Variants in AKT3 observed in about 807,000 individuals in gnomAD.
AKT3 encodes AKT serine/threonine kinase 3.
AKT3 carries 15 observed loss-of-function variants against 65.3 expected under a neutral mutation model. The ratio of observed to expected loss-of-function variants is 0.23; its 90% CI spans 0.15 to 0.35. The LOEUF (loss-of-function observed/expected upper bound fraction) is 0.35, where lower values mean the gene tolerates loss of function less well. AKT3 is among the 10% of genes least tolerant of loss of function. The pLI is 1.00. For synonymous variants in AKT3, 206 were observed against 183.8 expected, an observed-to-expected ratio of 1.12 and a Z score of -0.98; for missense variants, 243 against 576.5, an observed-to-expected ratio of 0.42 and a Z score of 5.92.
intron 2 of AKT3, among the ~76,000 whole-genome samples, chr1:243,823,503 C>T (rs749629250): frequency 1.6e-4 from 24 of 152,070 alleles, no homozygotes; most frequent in Non-Finnish European, 2.9e-4. Flanking sequence ...GATGACATGA[C>T]CCTATATCTG....
At chr1:243,699,489 ATATATATATATATATAT>A (rs1558733408) in intron 2 of AKT3, among the ~76,000 whole-genome samples, 1 of 113,124 alleles carries the variant, frequency 8.8e-6, no homozygotes, top group Non-Finnish European at 1.7e-5. Context: ...ATATATATAT[ATATATATATATATATAT>A]ATATATAATC....
At chr1:243,756,175 G>GT (rs1689125452) in intron 2 of AKT3, among the ~76,000 whole-genome samples, 1 of 152,182 alleles carries the variant, frequency 6.6e-6, no homozygotes, top group Non-Finnish European at 1.5e-5. Flanking sequence ...TGCAGAAATC[G>GT]TAAGAATAAG....
chr1:243,583,215 T>G (rs1357265568), intron 8 of AKT3, among the ~76,000 whole-genome samples: 1 of 120,146 alleles, frequency 8.3e-6, no homozygotes, highest in South Asian at 2.7e-4. Context: ...CACACACACA[T>G]ATATCTTCCA....
chr1:243,843,442 T>C (rs1039832050), intron 1 of AKT3, 160 bp from the exon 2 acceptor site: 56 of 1,084,094 alleles, frequency 5.2e-5, no homozygotes, highest in Non-Finnish European at 6.3e-5. Context: ...AGTTCTATAA[T>C]GAAAGCACTT....
chr1:243,619,950 C>T (rs149966437), intron 6 of AKT3, among the ~76,000 whole-genome samples: 11,587 of 97,870 alleles, frequency 0.12, 4,583 homozygotes, highest in Non-Finnish European at 0.21. Flanking sequence ...TAGGAGAGTT[C>T]CCTTTAGCAT....
At chr1:243,497,556 C>A (rs771944221), downstream of AKT3, among the ~76,000 whole-genome samples, 1 of 152,014 alleles carries the variant, frequency 6.6e-6, no homozygotes, top group Non-Finnish European at 1.5e-5. Context: ...GGAGGTCACC[C>A]GTTTCTGGAA....
chr1:243,744,444 C>A lies in AKT3; in HGVS notation c.47-48728G>T, dbSNP rs188384107. 1.5e-3 allele frequency among the ~76,000 whole-genome samples: 229 copies of A among 152,168 alleles called. 1 individual carries two copies. Among genetic ancestry groups the A allele is most frequent in the African/African-American group, 5.3e-3 (221 of 41,526 alleles). Reference sequence around the variant, plus strand: ...TCTCATACTTTAAGAAAAAGTTTACCTTAAAAAATTATTGGCCGGGCGCGG... The same window carrying A: ...TCTCATACTTTAAGAAAAAGTTTACATTAAAAAATTATTGGCCGGGCGCGG... On this transcript the variant is annotated intron_variant, in intron 2 of 13. Coordinates refer to ENST00000673466, the MANE Select transcript of AKT3 (RefSeq NM_005465.7).
At chr1:243,604,187 A>G (rs1677227092) in intron 8 of AKT3, among the ~76,000 whole-genome samples, 1 of 152,136 alleles carries the variant, frequency 6.6e-6, no homozygotes, top group South Asian at 2.1e-4. Context: ...GAGCCACCAC[A>G]TCCGACAACC....
At chr1:243,654,122 C>T (rs970987039) in intron 4 of AKT3, among the ~76,000 whole-genome samples, 1 of 151,946 alleles carries the variant, frequency 6.6e-6, no homozygotes, top group African/African-American at 2.4e-5. Context: ...AGCCTGGTAG[C>T]CATCATACTC....
At chr1:243,515,453 T>C (rs1473634763) in intron 12 of AKT3, among the ~76,000 whole-genome samples, 1 of 152,190 alleles carries the variant, frequency 6.6e-6, no homozygotes, top group African/African-American at 2.4e-5. Flanking sequence ...AAATAAGTTT[T>C]AAAAAGGATG....
chr1:243,733,896 A>G (rs751559607), intron 2 of AKT3, among the ~76,000 whole-genome samples: 17 of 152,230 alleles, frequency 1.1e-4, no homozygotes, highest in Non-Finnish European at 2.4e-4. Context: ...ACAAAATGCA[A>G]TATGTGCAAA....
intron 13 of AKT3, among the ~76,000 whole-genome samples, chr1:243,508,024 A>G (rs541214755): frequency 3.9e-5 from 6 of 152,238 alleles, no homozygotes; most frequent in Non-Finnish European, 8.8e-5. Flanking sequence ...CAAGGTGGCA[A>G]GTGGGAAGAC....
At chr1:243,760,320 T>C (rs1317581150) in intron 2 of AKT3, among the ~76,000 whole-genome samples, 2 of 111,508 alleles carry the variant, frequency 1.8e-5, no homozygotes, top group Non-Finnish European at 3.4e-5. Context: ...GGAGACAGGA[T>C]ATTGCTATGT....
At chr1:243,764,629 A>T (rs1216707038) in intron 2 of AKT3, among the ~76,000 whole-genome samples, 3 of 152,124 alleles carry the variant, frequency 2.0e-5, no homozygotes, top group African/African-American at 7.2e-5. Context: ...TCTATTACAG[A>T]AAACAAAATT....
Position 243,695,578 on chromosome 1 carries a change from A to G in AKT3, c.172+13T>C. Reference sequence around the variant, plus strand: ...ATAAATACAAGATGAATCAACAATTATAATTAACTTACTTGCCACTGAAAA... The same window carrying G: ...ATAAATACAAGATGAATCAACAATTGTAATTAACTTACTTGCCACTGAAAA... On this transcript the variant is annotated intron_variant, in intron 3 of 13. Transcript: ENST00000673466. 7.0e-6 allele frequency: 11 copies of G among 1,575,468 alleles called. No homozygotes were observed. Among genetic ancestry groups the G allele is most frequent in the Non-Finnish European group, 9.5e-6 (11 of 1,157,612 alleles).
At chr1:243,814,391 A>G (rs1354442574) in intron 2 of AKT3, 4 of 152,222 alleles carry the variant, frequency 2.6e-5, no homozygotes, top group Admixed American at 2.0e-4. Context: ...CTATAAAAAC[A>G]TAACTTTACA....
At chr1:243,716,654 C>T (rs1481562191) in intron 2 of AKT3, among the ~76,000 whole-genome samples, 1 of 151,978 alleles carries the variant, frequency 6.6e-6, no homozygotes. Flanking sequence ...ATGAGAATAC[C>T]TAACATAGAA....
intron 4 of AKT3, among the ~76,000 whole-genome samples, chr1:243,653,450 T>G (rs905577569): frequency 1.3e-5 from 2 of 152,206 alleles, no homozygotes; most frequent in African/African-American, 4.8e-5. Flanking sequence ...CTTCTGAAAC[T>G]ATTCCAAACA....
rs60047036 is a variant in AKT3, at chr1:243,550,958, C to CAAAAAAAAAAAAAAAAA, written c.1163+1754_1163+1770dup. ...CAGACAACAGAGCGAGACTCCCTCT[C>CAAAAAAAAAAAAAAAAA]AAAAAAAAAAAAAAAAAAAAAAAAA... On this transcript the variant is annotated intron_variant, in intron 11 of 13. Coordinates refer to ENST00000673466, the MANE Select transcript of AKT3 (RefSeq NM_005465.7). Among the ~76,000 whole-genome samples, 3 of 17,536 alleles carry CAAAAAAAAAAAAAAAAA rather than the reference C, an allele frequency of 1.7e-4. 1 individual carries two copies. The highest frequency in any genetic ancestry group is 6.0e-4 in the African/African-American group (3 of 5,008). The allele number at this position is 17,536 out of a possible 152,430, so 11.5% of individuals were successfully genotyped here. A position where few individuals can be genotyped will look rare whatever the true frequency, so the allele number is the denominator to read the frequency against.
Sources: gnomAD v4.1 joint callset for allele counts (sites outside exome capture counted in the v4.1 genomes callset) on GRCh38, gnomAD v4.1.1 for gene constraint, MANE v1.5 for transcripts, NCBI Gene and HGNC (gene_info 2026-07-23, HGNC 2026-07-21) for gene names.